CDH11: variants seen among roughly 807,000 people sequenced by gnomAD.
CDH11 encodes the protein cadherin-11.
Under a neutral mutation model 67.8 loss-of-function variants are expected in CDH11, and 11 were observed. That is an observed-to-expected ratio of 0.16 (90% CI 0.10 to 0.27). The LOEUF (loss-of-function observed/expected upper bound fraction) is 0.27, where lower values mean the gene tolerates loss of function less well. Among genes scored for constraint, CDH11 ranks in the 10% least tolerant of loss-of-function variants. The pLI, the probability that CDH11 is intolerant of heterozygous loss-of-function variation, is 1.00. For synonymous variants in CDH11, 419 were observed against 400.0 expected (o/e 1.05, Z -0.57); for missense variants, 847 against 1,031.2 (o/e 0.82, Z 2.45).
At chr16:65,063,723 G>A (rs1461916257) in intron 1 of CDH11, among the ~76,000 whole-genome samples, 1 of 152,126 alleles carries the variant, frequency 6.6e-6, no homozygotes, top group Non-Finnish European at 1.5e-5. Flanking sequence ...GCATGTGTAT[G>A]TTATTCATAA....
chr16:65,058,500 G>T (rs939581967), intron 1 of CDH11, among the ~76,000 whole-genome samples: 1 of 152,134 alleles, frequency 6.6e-6, no homozygotes, highest in East Asian at 1.9e-4. Context: ...ATCCCTGGGG[G>T]TCTGCAGATG....
At chr16:65,106,387 T>C (rs544562876) in intron 1 of CDH11, among the ~76,000 whole-genome samples, 6 of 152,160 alleles carry the variant, frequency 3.9e-5, no homozygotes, top group Non-Finnish European at 8.8e-5. Context: ...GTGGACTGTG[T>C]CTCTTTGAAC....
chr16:65,069,985 C>T (rs1177298911), intron 1 of CDH11, among the ~76,000 whole-genome samples: 1 of 152,006 alleles, frequency 6.6e-6, no homozygotes, highest in Non-Finnish European at 1.5e-5. Context: ...ATAGAATTTC[C>T]CAGGAGAACT....
intron 2 of CDH11, among the ~76,000 whole-genome samples, chr16:65,023,551 T>G (rs1428394064): frequency 2.6e-5 from 4 of 151,942 alleles, no homozygotes. Context: ...AATAAAAGAG[T>G]GGCTACTCCA....
intron 1 of CDH11, among the ~76,000 whole-genome samples, chr16:65,084,030 C>A (rs2074654978): frequency 6.6e-6 from 1 of 152,122 alleles, no homozygotes; most frequent in Non-Finnish European, 1.5e-5. Context: ...ACCAGGGATG[C>A]TCCTAAACAT....
chr16:65,097,833 G>A (rs989646174), intron 1 of CDH11, among the ~76,000 whole-genome samples: 1 of 151,898 alleles, frequency 6.6e-6, no homozygotes, highest in Non-Finnish European at 1.5e-5. Flanking sequence ...GAAAAGTTAA[G>A]ATAAAAAATT....
At chr16:65,098,096 T>C (rs2074930156) in intron 1 of CDH11, among the ~76,000 whole-genome samples, 1 of 152,072 alleles carries the variant, frequency 6.6e-6, no homozygotes, top group Non-Finnish European at 1.5e-5. Flanking sequence ...ATTATCAAAA[T>C]AGATCAACTG....
chr16:65,012,431 G>A (rs1439110346), intron 2 of CDH11, among the ~76,000 whole-genome samples: 1 of 152,232 alleles, frequency 6.6e-6, no homozygotes, highest in Admixed American at 6.5e-5. Context: ...CTTCTGCAGT[G>A]AGTGAGGGAA....
chr16:65,065,843 G>A (rs929204089), intron 1 of CDH11, among the ~76,000 whole-genome samples: 1 of 152,228 alleles, frequency 6.6e-6, no homozygotes, highest in Non-Finnish European at 1.5e-5. Context: ...GGTCTCCTTG[G>A]ATTGGTCTCC....
At chr16:64,957,214 T>C (rs1270739307) in intron 11 of CDH11, among the ~76,000 whole-genome samples, 1 of 152,110 alleles carries the variant, frequency 6.6e-6, no homozygotes, top group Non-Finnish European at 1.5e-5. Context: ...GTCCATCTCT[T>C]CTCTGAAGCT....
chr16:65,044,899 C>A (rs8049537), intron 2 of CDH11, among the ~76,000 whole-genome samples: 1 of 151,956 alleles, frequency 6.6e-6, no homozygotes, highest in African/African-American at 2.4e-5. Flanking sequence ...AATAATGCTG[C>A]GGCTCAGTGG....
intron 2 of CDH11, among the ~76,000 whole-genome samples, chr16:65,044,235 C>T (rs866370272): frequency 3.3e-5 from 5 of 152,152 alleles, no homozygotes; most frequent in African/African-American, 1.2e-4. Flanking sequence ...CAGCCAAACT[C>T]TATTCTCAAG....
At chr16:65,046,954 A>G (rs1389171148) in intron 2 of CDH11, among the ~76,000 whole-genome samples, 2 of 152,130 alleles carry the variant, frequency 1.3e-5, no homozygotes, top group Non-Finnish European at 2.9e-5. Flanking sequence ...CTAAAAATAC[A>G]GAAAATTAGC....
At chr16:65,059,642 C>A (rs190775699) in intron 1 of CDH11, 1 of 152,194 alleles carries the variant, frequency 6.6e-6, no homozygotes, top group African/African-American at 2.4e-5. Context: ...AGCTCTTTCC[C>A]TGAGCCCTGA....
At chr16:65,034,519 A>T (rs7500476) in intron 2 of CDH11, among the ~76,000 whole-genome samples, 137,101 of 152,180 alleles carry the variant, frequency 0.9, 61,807 homozygotes, top group East Asian at 1. Flanking sequence ...ACTAGGTTCA[A>T]AGCCGACCTC....
intron 2 of CDH11, among the ~76,000 whole-genome samples, chr16:65,033,217 C>T (rs1159864392): frequency 1.4e-5 from 2 of 144,154 alleles, no homozygotes; most frequent in South Asian, 2.2e-4. Context: ...TGCGATGACA[C>T]CCCACAAGTA....
chr16:65,015,589 T>C (rs2073288701), intron 2 of CDH11, among the ~76,000 whole-genome samples: 1 of 152,120 alleles, frequency 6.6e-6, no homozygotes, highest in Admixed American at 6.5e-5. Flanking sequence ...GTCCCCCCTT[T>C]AAACTATTTC....
intron 2 of CDH11, among the ~76,000 whole-genome samples, chr16:65,028,598 G>A (rs753292054): frequency 3.9e-5 from 6 of 151,998 alleles, no homozygotes; most frequent in African/African-American, 4.8e-5. Flanking sequence ...CCTGTCCTAC[G>A]GCTGAGTGCT....
chr16:64,943,872 T>G lies in CDH11; in HGVS notation c.*3731A>C, dbSNP rs1469202011. Reference sequence around the variant, plus strand: ...TTCCCTGCCCTCATGGAGCTTACATTCTAGTGGGGCAGTCAGTCCCACCCA... The same window carrying G: ...TTCCCTGCCCTCATGGAGCTTACATGCTAGTGGGGCAGTCAGTCCCACCCA... On this transcript the variant is annotated 3_prime_UTR_variant, in exon 13 of 13. Coordinates refer to ENST00000268603, the MANE Select transcript of CDH11 (RefSeq NM_001797.4). The G allele has an allele frequency of 4.4e-6, 1 of 228,484 alleles. No homozygotes were observed. Among genetic ancestry groups the G allele is most frequent in the African/African-American group, 2.2e-5 (1 of 45,086 alleles). The allele number at this position is 228,484 out of a possible 1,614,324, so 14.2% of individuals were successfully genotyped here. A position where few individuals can be genotyped will look rare whatever the true frequency, so the allele number is the denominator to read the frequency against.
Sources: gnomAD v4.1 joint callset for allele counts (sites outside exome capture counted in the v4.1 genomes callset) on GRCh38, gnomAD v4.1.1 for gene constraint, MANE v1.5 for transcripts, NCBI Gene and HGNC (gene_info 2026-07-23, HGNC 2026-07-21) for gene names.